Variants in APP observed in about 807,000 individuals in gnomAD.
APP encodes amyloid-beta precursor protein.
APP carries 31 observed loss-of-function variants against 101.4 expected under a neutral mutation model. The observed-to-expected ratio is 0.31, with a 90% CI of 0.23 to 0.41. APP has a LOEUF of 0.41. Among genes scored for constraint, APP ranks in the 10% least tolerant of loss-of-function variants. The pLI, the probability that APP is intolerant of heterozygous loss-of-function variation, is 1.00. For synonymous variants in APP, 366 were observed against 364.4 expected (o/e 1.00, Z -0.05); for missense variants, 839 against 1,003.7 (o/e 0.84, Z 2.22).
At chr21:25,930,926 G>A (rs1051270327) in intron 13 of APP, among the ~76,000 whole-genome samples, 36 of 152,340 alleles carry the variant, frequency 2.4e-4, no homozygotes, top group Non-Finnish European at 7.3e-5. Flanking sequence ...AATGGAAAGC[G>A]TCTGTCTTCA....
chr21:26,053,559 A>T (rs1361148855), intron 3 of APP: 5 of 467,072 alleles, frequency 1.1e-5, no homozygotes. Context: ...TGGTTAAAAT[A>T]ATGCCTAAAT....
At chr21:26,072,673 A>G (rs1456361286) in intron 3 of APP, among the ~76,000 whole-genome samples, 1 of 152,174 alleles carries the variant, frequency 6.6e-6, no homozygotes, top group East Asian at 1.9e-4. Context: ...AGCAAAAACA[A>G]CAAAAATAGT....
intron 3 of APP, among the ~76,000 whole-genome samples, chr21:26,073,983 T>C (rs555751781): frequency 6.6e-6 from 1 of 152,290 alleles, no homozygotes; most frequent in Non-Finnish European, 1.5e-5. Flanking sequence ...ACAGGACCTA[T>C]TCATAAAAAT....
At chr21:25,989,754 A>C (rs1479365619) in intron 8 of APP, among the ~76,000 whole-genome samples, 4 of 152,216 alleles carry the variant, frequency 2.6e-5, no homozygotes, top group Non-Finnish European at 4.4e-5. Flanking sequence ...ATACCGACCC[A>C]GCAATGTTGT....
rs185823290 is a variant in APP at position 26,166,522 on chromosome 21, C to A, written c.57+4042G>T. Among the ~76,000 whole-genome samples the A allele has an allele frequency of 1.7e-3, 265 of 152,092 alleles. 1 individual carries two copies. Among genetic ancestry groups the A allele is most frequent in the Non-Finnish European group, 2.6e-3 (178 of 68,020 alleles). On this transcript the variant is annotated intron_variant, in intron 1 of 17. Coordinates refer to ENST00000346798, the MANE Select transcript of APP (RefSeq NM_000484.4). ...AGCCAATCTCCTCTGTTCAACTCAT[C>A]GGAACATTTATACTATTTTACAGAA...
At chr21:25,930,747 C>T (rs998402535) in intron 13 of APP, among the ~76,000 whole-genome samples, 3 of 152,194 alleles carry the variant, frequency 2.0e-5, no homozygotes, top group Non-Finnish European at 2.9e-5. Flanking sequence ...GTGGCCTACT[C>T]GTGTTTTCTT....
At chr21:26,149,831 T>C (rs8130440) in intron 1 of APP, among the ~76,000 whole-genome samples, 33,260 of 152,040 alleles carry the variant, frequency 0.22, 3,723 homozygotes, top group Non-Finnish European at 0.24. Flanking sequence ...CACTGAAAAA[T>C]TGCATACAAT....
intron 11 of APP, among the ~76,000 whole-genome samples, chr21:25,974,760 C>T (rs2042162688): frequency 6.6e-6 from 1 of 152,096 alleles, no homozygotes; most frequent in African/African-American, 2.4e-5. Context: ...CGAACTTGAA[C>T]TATGCCATCA....
chr21:26,068,169 G>A (rs1268066239), intron 3 of APP: 2 of 152,174 alleles, frequency 1.3e-5, no homozygotes, highest in South Asian at 2.1e-4. Flanking sequence ...ATCAAGACAG[G>A]AAGAGGCATT....
intron 5 of APP, among the ~76,000 whole-genome samples, chr21:26,029,408 T>C (rs970421073): frequency 2.6e-5 from 4 of 152,110 alleles, no homozygotes; most frequent in African/African-American, 9.7e-5. Flanking sequence ...AATGCAAAAT[T>C]ACTGCCCTGA....
rs558827290 is a variant in APP at position 25,906,434 on chromosome 21, T to C, written c.1910-1357A>G. Among the ~76,000 whole-genome samples, 182 of 152,340 alleles carry C rather than the reference T, an allele frequency of 1.2e-3. 1 individual carries two copies. Among genetic ancestry groups the C allele is most frequent in the Non-Finnish European group, 2.2e-3 (147 of 68,038 alleles). On this transcript the variant is annotated intron_variant, in intron 14 of 17. Transcript: ENST00000346798. ...AACAGAAATGTTAACATCTGCATCT[T>C]CTAATTATGGTGAGGAACAAATAAG...
chr21:26,167,418 T>C lies in APP; in HGVS notation c.57+3146A>G, dbSNP rs986308298. Among the ~76,000 whole-genome samples the C allele has an allele frequency of 4.6e-5, 7 of 152,344 alleles. No individual in the cohort carries two copies. The East Asian group carries it at 1.2e-3, about 25-fold the overall frequency. ...ATTAATGAAAGATGCTTTGTAAGAT[T>C]CTCAAGGTAATACAATTTGCAGAAA... On this transcript the variant is annotated intron_variant, in intron 1 of 17. Transcript: ENST00000346798.
At position 26,115,324 on chromosome 21, in the gene APP, TTC is replaced by T. The variant is rs772036021; in HGVS notation, c.58-3180_58-3179del. ...AGCCATGTTTCTCAAGTAAAATTTT[TTC>T]CCCCCGAACCAACACCAGATGTGTA... On this transcript the variant is annotated intron_variant, in intron 1 of 17. Coordinates refer to ENST00000346798, the MANE Select transcript of APP (RefSeq NM_000484.4). Among the ~76,000 whole-genome samples, 264 of 88,612 alleles carry T rather than the reference TTC, an allele frequency of 3.0e-3. 1 individual carries two copies. Among genetic ancestry groups the T allele is most frequent in the Non-Finnish European group, 5.5e-3 (203 of 36,908 alleles). The allele number at this position is 88,612 out of a possible 152,430, so 58.1% of individuals were successfully genotyped here. A position where few individuals can be genotyped will look rare whatever the true frequency, so the allele number is the denominator to read the frequency against.
intron 5 of APP, among the ~76,000 whole-genome samples, chr21:26,036,645 C>T (rs528275055): frequency 4.6e-5 from 7 of 152,190 alleles, no homozygotes; most frequent in Admixed American, 4.6e-4. Flanking sequence ...ATGTCCTAGA[C>T]ACAGTATTTG....
intron 8 of APP, among the ~76,000 whole-genome samples, chr21:25,992,299 G>GA (rs774007365): frequency 1.1e-3 from 160 of 151,490 alleles, no homozygotes; most frequent in African/African-American, 3.3e-3. Flanking sequence ...GAGACAGGGG[G>GA]ATCTCTTGAA....
At chr21:25,964,167 G>A (rs964316684) in intron 11 of APP, among the ~76,000 whole-genome samples, 10 of 152,124 alleles carry the variant, frequency 6.6e-5, no homozygotes, top group South Asian at 4.1e-4. Context: ...TTGCTGATGC[G>A]GCTCTGATTT....
intron 13 of APP, among the ~76,000 whole-genome samples, chr21:25,953,713 G>C (rs1026717690): frequency 8.5e-5 from 13 of 152,142 alleles, no homozygotes; most frequent in African/African-American, 3.1e-4. Flanking sequence ...AAACAGTTAT[G>C]GGCATTTTGG....
intron 3 of APP, among the ~76,000 whole-genome samples, chr21:26,056,940 T>G (rs1178580698): frequency 3.3e-5 from 5 of 152,218 alleles, no homozygotes; most frequent in Admixed American, 2.0e-4. Context: ...TTTAAAAACT[T>G]TTAATAAGCG....
chr21:26,131,905 AT>A (rs200108798), intron 1 of APP, among the ~76,000 whole-genome samples: 275 of 147,508 alleles, frequency 1.9e-3, no homozygotes, highest in Middle Eastern at 6.8e-3. Flanking sequence ...TTGAATTAAG[AT>A]TTTTTTTTTT....
Sources: gnomAD v4.1 joint callset for allele counts (sites outside exome capture counted in the v4.1 genomes callset) on GRCh38, gnomAD v4.1.1 for gene constraint, MANE v1.5 for transcripts, NCBI Gene and HGNC (gene_info 2026-07-23, HGNC 2026-07-21) for gene names.